Variants in NECAB2 observed in about 807,000 individuals in gnomAD.
NECAB2 encodes the protein N-terminal EF-hand calcium-binding protein 2.
A neutral mutation model predicts 51.9 loss-of-function variants in NECAB2; 68 were observed. That is an observed-to-expected ratio of 1.31 (90% CI 1.08 to 1.60). The LOEUF (loss-of-function observed/expected upper bound fraction) is 1.60, where lower values mean the gene tolerates loss of function less well. NECAB2 is among the 40% of genes most tolerant of loss of function. NECAB2 has a pLI of 0.00. For missense variants in NECAB2, 854 were observed against 490.3 expected (o/e 1.74, Z -7.00); for synonymous variants, 329 against 203.5 (o/e 1.62, Z -5.25).
chr16:83,987,132 C>T (rs1216535509), intron 5 of NECAB2, among the ~76,000 whole-genome samples: 1 of 152,110 alleles, frequency 6.6e-6, no homozygotes, highest in East Asian at 1.9e-4. Flanking sequence ...GAAAACAAAA[C>T]AAAGTAGCTC....
chr16:83,997,889 T>G (rs2084739445), intron 9 of NECAB2, among the ~76,000 whole-genome samples: 1 of 151,366 alleles, frequency 6.6e-6, no homozygotes, highest in South Asian at 2.1e-4. Context: ...CAACTATGAG[T>G]TTTTCTTGTC....
At chr16:83,974,271 C>T (rs1003831896) in intron 2 of NECAB2, among the ~76,000 whole-genome samples, 1 of 152,176 alleles carries the variant, frequency 6.6e-6, no homozygotes, top group Non-Finnish European at 1.5e-5. Context: ...CGGCTCTGGC[C>T]TCAGGCAAGT....
rs1206191097 is a variant in NECAB2 at position 84,001,422 on chromosome 16, G to T, written c.1041-403G>T. Among the ~76,000 whole-genome samples, 4 of 152,274 alleles carry T rather than the reference G, an allele frequency of 2.6e-5. No individual in the cohort carries two copies. The South Asian group carries it at 8.3e-4, about 32-fold the overall frequency. ...AACTCAGGACCCCAGTGGGAACAGG[G>T]GCGGTCATGAGAAGTGAGAGTGTCC... is the stretch of plus-strand genomic sequence containing the variant. On this transcript the variant is annotated intron_variant, in intron 11 of 12. Transcript: ENST00000305202.
intron 2 of NECAB2, among the ~76,000 whole-genome samples, chr16:83,974,177 G>A (rs372770758): frequency 2.3e-3 from 356 of 152,284 alleles, no homozygotes; most frequent in African/African-American, 8.3e-3. Context: ...GGGTGAATGT[G>A]GGTGTGAGAT....
At chr16:83,973,637 C>G (rs367636711) in intron 2 of NECAB2, among the ~76,000 whole-genome samples, 10 of 152,138 alleles carry the variant, frequency 6.6e-5, no homozygotes, top group African/African-American at 2.2e-4. Context: ...CCGGAGCCCT[C>G]AGCGTCATTG....
chr16:83,982,124 A>C (rs983380886), intron 5 of NECAB2, among the ~76,000 whole-genome samples: 1 of 152,188 alleles, frequency 6.6e-6, no homozygotes, highest in Non-Finnish European at 1.5e-5. Context: ...GAGCAAAGGC[A>C]CCTGCTGGTT....
chr16:83,981,585 C>T (rs1332474749), intron 5 of NECAB2, among the ~76,000 whole-genome samples: 2 of 152,132 alleles, frequency 1.3e-5, no homozygotes, highest in Non-Finnish European at 2.9e-5. Flanking sequence ...TGGTTGCTGT[C>T]ACCTCCACTA....
chr16:83,981,101 C>G lies in NECAB2; in HGVS notation c.433C>G (p.Leu145Val), dbSNP rs746692348. Residue 145 changes from leucine to valine, a missense_variant, in exon 5 of 13, where the codon CTG becomes GTG. Leu to Val is a conservative substitution (Grantham distance 32). Coordinates refer to ENST00000305202, the MANE Select transcript of NECAB2 (RefSeq NM_019065.3). ...ASLETLNHSV[L>V]KAMGYTKKVY... ...CCTGGAGACCTTGAATCACTCTGTC[C>G]TGAAGGCCATGGGTTATACCAAGAA... 1.9e-6 allele frequency: 3 copies of G among 1,614,168 alleles called. No individual in the cohort carries two copies. The highest frequency in any genetic ancestry group is 1.6e-4 in the Middle Eastern group (1 of 6,062).
chr16:83,966,349 ACT>A, upstream of NECAB2: 1 of 324,130 alleles, frequency 3.1e-6, no homozygotes, highest in Non-Finnish European at 5.6e-6. Flanking sequence ...GCGTCTGAGG[ACT>A]CTGTGCTCGG....
In NECAB2 at chr16:83,972,025, G is replaced by A. The variant is rs560966149; in HGVS notation, c.202-126G>A. ...CCCGGGGAGGGGGAGAGGGAAGGGG[G>A]GCTCAGCTTCCCAGGACCCTAAGCT... On this transcript the variant is annotated intron_variant, in intron 1 of 12. Transcript: ENST00000305202. 1.3e-5 allele frequency: 17 copies of A among 1,287,758 alleles called. 1 individual carries two copies. The South Asian group carries it at 2.0e-4, about 15-fold the overall frequency. The allele number at this position is 1,287,758 out of a possible 1,614,324, so 79.8% of individuals were successfully genotyped here.
In NECAB2 at chr16:83,983,111, C is replaced by T. The variant is rs551052201; in HGVS notation, c.459+1984C>T. Among the ~76,000 whole-genome samples the T allele has an allele frequency of 7.9e-5, 12 of 152,148 alleles. No homozygotes were observed. In the East Asian group the frequency reaches 9.7e-4, roughly 12 times the overall value. On this transcript the variant is annotated intron_variant, in intron 5 of 12. Coordinates refer to ENST00000305202, the MANE Select transcript of NECAB2 (RefSeq NM_019065.3). Reference sequence around the variant, plus strand: ...CTCAAAGTCCTGACTTGAGGTGATCCGCCCACCTCGGCCTCCCAAAGTGCT... The same window carrying T: ...CTCAAAGTCCTGACTTGAGGTGATCTGCCCACCTCGGCCTCCCAAAGTGCT...
intron 2 of NECAB2, among the ~76,000 whole-genome samples, chr16:83,974,542 G>A (rs2084383882): frequency 6.6e-6 from 1 of 152,186 alleles, no homozygotes; most frequent in Non-Finnish European, 1.5e-5. Context: ...CGTCTGTTAT[G>A]CACCAGGACT....
chr16:83,984,291 G>A lies in NECAB2; in HGVS notation c.459+3164G>A, dbSNP rs182198377. ...ATTACAGGCGTGAGCCACCGCGCCC[G>A]GCGGAATATTTTTAAACAAAACTGC... On this transcript the variant is annotated intron_variant, in intron 5 of 12. Transcript: ENST00000305202. Among the ~76,000 whole-genome samples, 11 of 151,656 alleles carry A rather than the reference G, an allele frequency of 7.3e-5. No homozygotes were observed. In the South Asian group the frequency reaches 1.3e-3, roughly 17 times the overall value.
At chr16:83,986,572 G>A (rs1348089190) in intron 5 of NECAB2, among the ~76,000 whole-genome samples, 1 of 152,118 alleles carries the variant, frequency 6.6e-6, no homozygotes, top group Non-Finnish European at 1.5e-5. Flanking sequence ...GAGTACAGTG[G>A]CACAGTCATT....
intron 5 of NECAB2, 103 bp downstream of exon 5, chr16:83,981,230 G>T: frequency 9.5e-7 from 1 of 1,052,338 alleles, no homozygotes. Flanking sequence ...CCGCCAGGGA[G>T]GCCTATCTCA....
chr16:83,995,830 AC>A (rs1440866624), intron 8 of NECAB2, among the ~76,000 whole-genome samples: 4 of 151,940 alleles, frequency 2.6e-5, no homozygotes, highest in Non-Finnish European at 5.9e-5. Flanking sequence ...AGGTGGAGTT[AC>A]CCCCTTCCTG....
At chr16:83,970,600 A>T (rs555766959) in intron 1 of NECAB2, among the ~76,000 whole-genome samples, 1 of 152,170 alleles carries the variant, frequency 6.6e-6, no homozygotes, top group Non-Finnish European at 1.5e-5. Flanking sequence ...CCCCAAGGCG[A>T]GGACAGAGGG....
chr16:83,978,614 T>G, intron 3 of NECAB2, 62 bp downstream of exon 3: 1 of 1,374,388 alleles, frequency 7.3e-7, no homozygotes, highest in Non-Finnish European at 1.0e-6. Context: ...AGGCATCTTT[T>G]CATCTAGTGT....
intron 3 of NECAB2, 22 bp downstream of exon 3, chr16:83,978,574 C>T (rs749438222): frequency 6.3e-7 from 1 of 1,588,372 alleles, no homozygotes; most frequent in South Asian, 1.1e-5. Context: ...TCCTGGCTGG[C>T]AGAGTGGGGG....
Sources: gnomAD v4.1 joint callset for allele counts (sites outside exome capture counted in the v4.1 genomes callset) on GRCh38, gnomAD v4.1.1 for gene constraint, MANE v1.5 for transcripts, NCBI Gene and HGNC (gene_info 2026-07-23, HGNC 2026-07-21) for gene names.